Variants in HEG1 observed in about 807,000 individuals in gnomAD.
HEG1 encodes heart development protein with EGF like domains 1.
HEG1 carries 56 observed loss-of-function variants against 125.6 expected under a neutral mutation model. That is an observed-to-expected ratio of 0.45 (90% CI 0.36 to 0.56). The LOEUF is 0.56. Among genes scored for constraint, HEG1 ranks in the 20% least tolerant of loss-of-function variants. HEG1 has a pLI of 0.00. For missense variants in HEG1, 1,523 were observed against 1,670.0 expected, an observed-to-expected ratio of 0.91 and a Z score of 1.53; for synonymous variants, 644 against 668.5, an observed-to-expected ratio of 0.96 and a Z score of 0.57.
At chr3:125,037,557 G>C (rs186093666) in intron 1 of HEG1, among the ~76,000 whole-genome samples, 2 of 152,338 alleles carry the variant, frequency 1.3e-5, no homozygotes, top group East Asian at 3.9e-4. Flanking sequence ...CTCAGTAACA[G>C]TCATGGCCAT....
chr3:124,976,414 C>T (rs930239642), intron 15 of HEG1, among the ~76,000 whole-genome samples: 7 of 152,044 alleles, frequency 4.6e-5, no homozygotes, highest in Non-Finnish European at 1.0e-4. Flanking sequence ...TCTTGAACTC[C>T]TGATCTGAAG....
At chr3:125,023,766 C>T (rs2981548) in intron 3 of HEG1, among the ~76,000 whole-genome samples, 74,481 of 152,006 alleles carry the variant, frequency 0.49, 18,693 homozygotes, top group Middle Eastern at 0.64. Flanking sequence ...CATTCAACGA[C>T]GGAAAGACCA....
At chr3:125,028,253 T>C (rs982473491) in intron 2 of HEG1, among the ~76,000 whole-genome samples, 1 of 152,260 alleles carries the variant, frequency 6.6e-6, no homozygotes, top group Non-Finnish European at 1.5e-5. Context: ...AAATTCACTT[T>C]AGTTATGTCA....
chr3:125,003,244 G>C (rs1382313263), intron 9 of HEG1, among the ~76,000 whole-genome samples: 3 of 152,154 alleles, frequency 2.0e-5, no homozygotes, highest in Admixed American at 2.0e-4. Context: ...CTTGGGGACA[G>C]GTATGTTACA....
rs769556803 is a variant in HEG1 at position 125,009,720 on chromosome 3, C to G, written c.3178G>C (p.Gly1060Arg). 1 of 1,612,526 alleles carries G rather than the reference C, an allele frequency of 6.2e-7. No individual in the cohort carries two copies. The highest frequency in any genetic ancestry group is 2.2e-5 in the East Asian group (1 of 44,848). Residue 1060 changes from glycine to arginine, a missense_variant, in exon 8 of 17, where the codon GGG becomes CGG. Transcript: ENST00000311127. ...AGTCTCTTACCCAAATTGCATATCC[C>G]TTTTTCCAACTGGTACCCAACCGGG... ...KCPVGYQLEK[G>R]ICNLVRTFVT...
Position 125,014,018 on chromosome 3 carries a change from C to G in HEG1, c.1589-28G>C, listed in dbSNP as rs79608851. The stretch of plus-strand genomic sequence containing the variant: ...GTAAACGGAAAAGCCAAAGTTAGGT[C>G]AAATAAAAGAACAACAAAACTCTGA... On this transcript the variant is annotated intron_variant, in intron 5 of 16. Transcript: ENST00000311127. The G allele has an allele frequency of 3.3e-3, 5,090 of 1,552,434 alleles. 129 individuals carry two copies. The African/African-American group carries it at 0.055, about 17-fold the overall frequency.
In HEG1 at chr3:125,014,838, G is replaced by A. The variant is rs761531841; in HGVS notation, c.1589-848C>T. On this transcript the variant is annotated intron_variant, in intron 5 of 16. Transcript: ENST00000311127. ...CGCTGCAGGGCTGCCTGCTTCCCCA[G>A]AAGTCGTGCTCATGCTGGTGTTGGT... is the stretch of plus-strand genomic sequence containing the variant. 3 of 1,289,878 alleles carry A rather than the reference G, an allele frequency of 2.3e-6. No individual in the cohort carries two copies. In the South Asian group the frequency reaches 3.7e-5, roughly 16 times the overall value. 79.9% of individuals were successfully genotyped at this position (1,289,878 alleles called of 1,614,324 possible). A position where few individuals can be genotyped will look rare whatever the true frequency, so the allele number is the denominator to read the frequency against.
intron 8 of HEG1, 160 bp downstream of exon 8, chr3:125,009,545 A>T: frequency 1.7e-6 from 1 of 604,674 alleles, no homozygotes; most frequent in Non-Finnish European, 2.7e-6. Context: ...TCTATCTCCA[A>T]GTATTAGAAT....
chr3:125,013,907 A>T lies in HEG1; in HGVS notation c.1672T>A (p.Ser558Thr), dbSNP rs763899154. ...CGTTCTCCTTTGGTGAAAGTAGATG[A>T]CAGGTAGGTGTGGTCTGTGTGGTCG... ...SSDHTDHTYL[S>T]STFTKGERAL... Residue 558 changes from serine (S) to threonine (T), a missense_variant, in exon 6 of 17, where the codon TCA becomes ACA. Ser to Thr is a moderately conservative substitution (Grantham distance 58). Coordinates refer to ENST00000311127, the MANE Select transcript of HEG1 (RefSeq NM_020733.2). 1 of 1,613,916 alleles carries T rather than the reference A, an allele frequency of 6.2e-7. No homozygotes were observed. Among genetic ancestry groups the T allele is most frequent in the Non-Finnish European group, 8.5e-7 (1 of 1,179,852 alleles).
intron 14 of HEG1, among the ~76,000 whole-genome samples, chr3:124,989,503 C>T (rs1046994520): frequency 5.2e-5 from 5 of 96,528 alleles, no homozygotes; most frequent in African/African-American, 1.6e-4. Flanking sequence ...TATGCTATAT[C>T]CCCAAATTTA....
chr3:125,029,459 T>C lies in HEG1; in HGVS notation c.346A>G (p.Asn116Asp). The change falls in exon 2 of 17, where the codon AAC (asparagine) becomes GAC (aspartate). Residue 116 changes from asparagine to aspartate, a missense_variant. Asn to Asp is a conservative substitution (Grantham distance 23, BLOSUM62 1). Transcript: ENST00000311127. Reference sequence around the variant, plus strand: ...ATGTTTTCTACATGGGCCTCAGTGTTACTTTCTGGCCAATGTTTCCAGGCA... The same window carrying C: ...ATGTTTTCTACATGGGCCTCAGTGTCACTTTCTGGCCAATGTTTCCAGGCA... ...DAAWKHWPES[N>D]TEAHVENITF... The C allele has an allele frequency of 1.3e-6, 2 of 1,598,144 alleles. No homozygotes were observed. The highest frequency in any genetic ancestry group is 1.7e-6 in the Non-Finnish European group (2 of 1,177,194).
At chr3:124,997,871 T>C (rs1395617439) in intron 11 of HEG1, 48 bp from the exon 12 acceptor site, 9 of 1,508,012 alleles carry the variant, frequency 6.0e-6, no homozygotes, top group Non-Finnish European at 8.0e-6. Context: ...CCTTCTCCAC[T>C]TCAAACCTTA....
In HEG1 at chr3:124,966,742, C is replaced by A. The variant is rs569500021; in HGVS notation, c.*3910G>T. 3 of 152,232 alleles carry A rather than the reference C, an allele frequency of 2.0e-5. No individual in the cohort carries two copies. The South Asian group carries it at 6.2e-4, about 31-fold the overall frequency. The allele number at this position is 152,232 out of a possible 1,614,324, so 9.4% of individuals were successfully genotyped here. ...TCAAAACCCTGTGTGTTAGGCTAAA[C>A]TTAGCCAAGGGCAACTGGAGTGGAC... On this transcript the variant is annotated 3_prime_UTR_variant, in exon 17 of 17. Coordinates refer to ENST00000311127, the MANE Select transcript of HEG1 (RefSeq NM_020733.2).
Position 124,979,613 on chromosome 3 carries a change from T to C in HEG1, c.3734-1667A>G, listed in dbSNP as rs188118681. On this transcript the variant is annotated intron_variant, in intron 14 of 16. Transcript: ENST00000311127. ...AATACAAGAAAATTGTGTTCTCTAG[T>C]TGTAGGATCCAGGATGAAACACCAG... 2.8e-3 allele frequency among the ~76,000 whole-genome samples: 422 copies of C among 152,320 alleles called. 2 individuals are homozygous for C. The highest frequency in any genetic ancestry group is 9.6e-3 in the African/African-American group (400 of 41,568).
In HEG1 at chr3:125,055,691, G is replaced by C; in HGVS notation, c.200C>G (p.Thr67Arg). 2 of 1,113,578 alleles carry C rather than the reference G, an allele frequency of 1.8e-6. No individual in the cohort carries two copies. Among genetic ancestry groups the C allele is most frequent in the African/African-American group, 1.7e-5 (1 of 59,998 alleles). 69.0% of individuals were successfully genotyped at this position (1,113,578 alleles called of 1,614,324 possible). ...GGGCCCGCGGCGCTCCCGGGGCGGC[G>C]TGGGCGGCGGCTCGCGCTCCGGGCG... is the stretch of plus-strand genomic sequence containing the variant. ...ERRPEREPPPTPPRERRGPAT... is the reference protein window; with the variant it reads ...ERRPEREPPPRPPRERRGPAT... The change falls in exon 1 of 17, where the codon ACG becomes AGG. Residue 67 changes from threonine to arginine, a missense_variant. Coordinates refer to ENST00000311127, the MANE Select transcript of HEG1 (RefSeq NM_020733.2).
At position 124,996,180 on chromosome 3, in the gene HEG1, G is replaced by A. The variant is rs140375675; in HGVS notation, c.3652+1509C>T. 5.6e-3 allele frequency among the ~76,000 whole-genome samples: 858 copies of A among 152,088 alleles called. 7 individuals are homozygous for A. Among genetic ancestry groups the A allele is most frequent in the African/African-American group, 0.02 (814 of 41,476 alleles). On this transcript the variant is annotated intron_variant, in intron 12 of 16. Coordinates refer to ENST00000311127, the MANE Select transcript of HEG1 (RefSeq NM_020733.2). ...GCTCACTGCAACCTCCACTCCCCGG[G>A]TTCAAGCGATTCTCCTGCCTCAGCT... is the stretch of plus-strand genomic sequence containing the variant.
intron 8 of HEG1, among the ~76,000 whole-genome samples, chr3:125,009,120 T>G (rs1937114038): frequency 6.6e-6 from 1 of 152,210 alleles, no homozygotes; most frequent in Non-Finnish European, 1.5e-5. Flanking sequence ...ATCTATCAAA[T>G]TAGTGAACAA....
intron 1 of HEG1, among the ~76,000 whole-genome samples, chr3:125,045,250 G>C (rs1174999583): frequency 6.6e-6 from 1 of 152,178 alleles, no homozygotes; most frequent in Non-Finnish European, 1.5e-5. Flanking sequence ...AGAAAACAGG[G>C]AACTGCCTTT....
At position 125,013,929 on chromosome 3, in the gene HEG1, G is replaced by T; in HGVS notation, c.1650C>A (p.Asp550Glu). The change falls in exon 6 of 17, where the codon GAC becomes GAA. Residue 550 changes from aspartate to glutamate, a missense_variant. Asp to Glu is a conservative substitution (Grantham distance 45). Coordinates refer to ENST00000311127, the MANE Select transcript of HEG1 (RefSeq NM_020733.2). ...GTAIEQRTSS[D>E]HTDHTYLSST... ...ATGACAGGTAGGTGTGGTCTGTGTG[G>T]TCGCTGGAAGTCCTTTGTTCAATAG... The T allele has an allele frequency of 6.2e-7, 1 of 1,613,668 alleles. No homozygotes were observed. The highest frequency in any genetic ancestry group is 8.5e-7 in the Non-Finnish European group (1 of 1,179,792).
Sources: gnomAD v4.1 joint callset for allele counts (sites outside exome capture counted in the v4.1 genomes callset) on GRCh38, gnomAD v4.1.1 for gene constraint, MANE v1.5 for transcripts, NCBI Gene and HGNC (gene_info 2026-07-23, HGNC 2026-07-21) for gene names.